GPSM2: variants seen among roughly 807,000 people sequenced by gnomAD.
GPSM2 encodes the protein G protein-signaling modulator 2.
GPSM2 carries 58 observed loss-of-function variants against 78.4 expected under a neutral mutation model. The observed-to-expected ratio is 0.74, with a 90% CI of 0.60 to 0.92. GPSM2 has a LOEUF of 0.92. Among genes scored for constraint, GPSM2 ranks in the 40% least tolerant of loss-of-function variants. The probability of loss-of-function intolerance (pLI) is 0.00; values close to 1 mark genes in which losing one functional copy is unlikely to be tolerated. For missense variants in GPSM2, 700 were observed against 815.5 expected, an observed-to-expected ratio of 0.86 and a Z score of 1.73; for synonymous variants, 224 against 280.2, an observed-to-expected ratio of 0.80 and a Z score of 2.00.
chr1:108,899,575 G>T (rs189303104), intron 7 of GPSM2, among the ~76,000 whole-genome samples: 2 of 152,294 alleles, frequency 1.3e-5, no homozygotes, highest in Admixed American at 6.5e-5. Context: ...TACAATCCCA[G>T]CTTCTTCTGT....
chr1:108,896,840 T>C (rs1292573998), intron 2 of GPSM2, 24 bp from the exon 3 acceptor site: 4 of 1,499,228 alleles, frequency 2.7e-6, no homozygotes, highest in Non-Finnish European at 3.7e-6. Flanking sequence ...TATGTTTAAA[T>C]GTCTGTCCTG....
Position 108,918,781 on chromosome 1 carries a change from T to G in GPSM2, c.1432T>G (p.Ser478Ala). The change falls in exon 12 of 15, where the codon TCT becomes GCT. Residue 478 changes from serine to alanine, a missense_variant. Coordinates refer to ENST00000264126, the MANE Select transcript of GPSM2 (RefSeq NM_013296.5). ...SNSIDHRIPN[S>A]QRKISADTIG... ...TTCTATTGACCACCGAATTCCAAATTCTCAGAGGGTACGTTTAAACTAAGT... is the reference window on the plus strand; with the variant it reads ...TTCTATTGACCACCGAATTCCAAATGCTCAGAGGGTACGTTTAAACTAAGT... 1 of 1,610,824 alleles carries G rather than the reference T, an allele frequency of 6.2e-7. No homozygotes were observed. The highest frequency in any genetic ancestry group is 8.5e-7 in the Non-Finnish European group (1 of 1,177,052).
At chr1:108,887,012 G>A (rs980377224) in intron 2 of GPSM2, among the ~76,000 whole-genome samples, 4 of 151,802 alleles carry the variant, frequency 2.6e-5, no homozygotes, top group Non-Finnish European at 5.9e-5. Context: ...TCAGCTTCCC[G>A]AGTAGCTGGG....
chr1:108,902,272 T>G (rs1648882206), intron 8 of GPSM2, among the ~76,000 whole-genome samples: 1 of 151,494 alleles, frequency 6.6e-6, no homozygotes, highest in South Asian at 2.1e-4. Flanking sequence ...TCCCAGCTAC[T>G]CAGGAGGCTG....
chr1:108,907,636 A>G (rs1021550317), intron 10 of GPSM2, among the ~76,000 whole-genome samples: 7 of 152,180 alleles, frequency 4.6e-5, no homozygotes, highest in Non-Finnish European at 8.8e-5. Flanking sequence ...TGTTAGGTAG[A>G]CTGAAAAAAA....
At chr1:108,923,940 T>G (rs1650926234) in intron 13 of GPSM2, 60 bp from the exon 14 acceptor site, 3 of 1,235,258 alleles carry the variant, frequency 2.4e-6, no homozygotes, top group Non-Finnish European at 3.6e-6. Flanking sequence ...TGTGCCTAGG[T>G]TTTTTTGTTT....
chr1:108,914,647 A>G (rs1166221447), intron 11 of GPSM2, among the ~76,000 whole-genome samples: 4 of 152,216 alleles, frequency 2.6e-5, no homozygotes, highest in Non-Finnish European at 5.9e-5. Flanking sequence ...ACATTCTGGA[A>G]TAAGATATAA....
chr1:108,913,776 TTGAA>T (rs539548670), intron 10 of GPSM2, among the ~76,000 whole-genome samples: 568 of 152,336 alleles, frequency 3.7e-3, no homozygotes, highest in Middle Eastern at 0.031. Context: ...TTTTAAAACA[TTGAA>T]TGGATATGGA....
intron 2 of GPSM2, among the ~76,000 whole-genome samples, chr1:108,889,257 C>T (rs976526933): frequency 1.3e-5 from 2 of 152,204 alleles, no homozygotes; most frequent in African/African-American, 4.8e-5. Context: ...CACCCTACTG[C>T]TGTGTCTGGT....
chr1:108,894,587 G>T (rs1165491179), intron 2 of GPSM2, among the ~76,000 whole-genome samples: 1 of 151,974 alleles, frequency 6.6e-6, no homozygotes, highest in Non-Finnish European at 1.5e-5. Flanking sequence ...AATCCCAGCT[G>T]CTCAGGAGAC....
In GPSM2 at chr1:108,885,402, A is replaced by G. The variant is rs1557854541; in HGVS notation, c.-121A>G. 7.9e-6 allele frequency: 5 copies of G among 634,104 alleles called. No individual in the cohort carries two copies. The African/African-American group carries it at 9.2e-5, about 12-fold the overall frequency. The allele number at this position is 634,104 out of a possible 1,614,324, so 39.3% of individuals were successfully genotyped here. A position where few individuals can be genotyped will look rare whatever the true frequency, so the allele number is the denominator to read the frequency against. On this transcript the variant is annotated 5_prime_UTR_variant, in exon 2 of 15. Coordinates refer to ENST00000264126, the MANE Select transcript of GPSM2 (RefSeq NM_013296.5). ...AAGAAGAATCAGGAGCTTAGGATGT[A>G]TTAACACCAACTCATTAATATACTA...
chr1:108,925,575 G>GTATC (rs1041591434), intron 14 of GPSM2, among the ~76,000 whole-genome samples: 2 of 152,092 alleles, frequency 1.3e-5, no homozygotes, highest in Non-Finnish European at 2.9e-5. Context: ...AGTAAAGAGT[G>GTATC]TATCTTAAGC....
intron 7 of GPSM2, among the ~76,000 whole-genome samples, chr1:108,899,772 TAAAG>T (rs893584481): frequency 2.0e-5 from 3 of 152,180 alleles, no homozygotes; most frequent in African/African-American, 4.8e-5. Flanking sequence ...TGTATTTTGT[TAAAG>T]AAGCCAATAT....
intron 2 of GPSM2, among the ~76,000 whole-genome samples, chr1:108,887,031 C>T (rs938885079): frequency 4.0e-5 from 6 of 151,860 alleles, no homozygotes; most frequent in Non-Finnish European, 7.4e-5. Flanking sequence ...GGATTATAGG[C>T]GTGTGTCACC....
At chr1:108,913,643 C>T (rs889789682) in intron 10 of GPSM2, among the ~76,000 whole-genome samples, 3 of 151,968 alleles carry the variant, frequency 2.0e-5, no homozygotes, top group Non-Finnish European at 2.9e-5. Flanking sequence ...TGCATAAAAG[C>T]GCAGGGAAGA....
At position 108,898,716 on chromosome 1, in the gene GPSM2, C is replaced by T; in HGVS notation, c.632C>T (p.Thr211Ile). ...QGRAFGNLGN[T>I]HYLLGNFRDA... Reference sequence around the variant, plus strand: ...CGTGCCTTTGGAAATCTTGGAAACACACATTACCTCCTTGGCAACTTCAGG... The same window carrying T: ...CGTGCCTTTGGAAATCTTGGAAACATACATTACCTCCTTGGCAACTTCAGG... Residue 211 changes from threonine to isoleucine, a missense_variant, in exon 6 of 15, where the codon ACA (threonine) becomes ATA (isoleucine). Coordinates refer to ENST00000264126, the MANE Select transcript of GPSM2 (RefSeq NM_013296.5). 1 of 1,613,918 alleles carries T rather than the reference C, an allele frequency of 6.2e-7. No homozygotes were observed. Among genetic ancestry groups the T allele is most frequent in the African/African-American group, 1.3e-5 (1 of 75,040 alleles).
chr1:108,897,873 TCCG>T, intron 4 of GPSM2, 83 bp from the exon 5 acceptor site: 2 of 1,418,068 alleles, frequency 1.4e-6, no homozygotes, highest in South Asian at 2.4e-5. Flanking sequence ...TTTTCCCTTG[TCCG>T]TAATACTAAG....
Position 108,933,450 on chromosome 1 carries a change from A to G in GPSM2, c.*3510A>G, listed in dbSNP as rs1652337696. 6.7e-6 allele frequency: 1 copy of G among 149,914 alleles called. No individual in the cohort carries two copies. The highest frequency in any genetic ancestry group is 1.5e-5 in the Non-Finnish European group (1 of 67,672). 9.3% of individuals were successfully genotyped at this position (149,914 alleles called of 1,614,324 possible). A position where few individuals can be genotyped will look rare whatever the true frequency, so the allele number is the denominator to read the frequency against. On this transcript the variant is annotated 3_prime_UTR_variant, in exon 15 of 15. Coordinates refer to ENST00000264126, the MANE Select transcript of GPSM2 (RefSeq NM_013296.5). ...GAGCCACTGCACCTGGCCTAAAATT[A>G]CATTGTTACAGGCACGTAAGTAACA... is the stretch of plus-strand genomic sequence containing the variant.
At chr1:108,919,447 T>C (rs1354473242) in intron 12 of GPSM2, among the ~76,000 whole-genome samples, 1 of 152,226 alleles carries the variant, frequency 6.6e-6, no homozygotes, top group African/African-American at 2.4e-5. Context: ...TTTCTAAATA[T>C]TAATTTAGAA....
Sources: gnomAD v4.1 joint callset for allele counts (sites outside exome capture counted in the v4.1 genomes callset) on GRCh38, gnomAD v4.1.1 for gene constraint, MANE v1.5 for transcripts, NCBI Gene and HGNC (gene_info 2026-07-23, HGNC 2026-07-21) for gene names.